Variants in SH2D2A observed in about 807,000 individuals in gnomAD.
SH2D2A encodes the protein SH2 domain-containing protein 2A.
SH2D2A carries 33 observed loss-of-function variants against 43.6 expected under a neutral mutation model. The observed-to-expected ratio is 0.76, with a 90% CI of 0.57 to 1.01. The LOEUF (loss-of-function observed/expected upper bound fraction) is 1.01. Ranked by LOEUF, SH2D2A falls within the 50% of genes least tolerant of loss-of-function variation. The pLI, the probability that SH2D2A is intolerant of heterozygous loss-of-function variation, is 0.00. For missense variants in SH2D2A, 491 were observed against 503.1 expected (o/e 0.98, Z 0.23); for synonymous variants, 212 against 206.1 (o/e 1.03, Z -0.25).
chr1:156,814,302 T>C lies in SH2D2A; in HGVS notation c.309-8A>G. 6.2e-7 allele frequency: 1 copy of C among 1,612,756 alleles called. No homozygotes were observed. Among genetic ancestry groups the C allele is most frequent in the Non-Finnish European group, 8.5e-7 (1 of 1,179,522 alleles). On this transcript the variant is annotated splice_polypyrimidine_tract_variant and splice_region_variant and intron_variant, in intron 3 of 8. Transcript: ENST00000368199. Reference sequence around the variant, plus strand: ...AGCAGCCTCTCTGCCTCCCTGTGGGTGACGGAGAGAGGGGGCCGAACCCTG... The same window carrying C: ...AGCAGCCTCTCTGCCTCCCTGTGGGCGACGGAGAGAGGGGGCCGAACCCTG...
Position 156,810,665 on chromosome 1 carries a change from C to T in SH2D2A, c.568-858G>A, listed in dbSNP as rs572923865. Among the ~76,000 whole-genome samples, 69 of 152,198 alleles carry T rather than the reference C, an allele frequency of 4.5e-4. No individual in the cohort carries two copies. In the South Asian group the frequency reaches 0.011, roughly 23 times the overall value. On this transcript the variant is annotated intron_variant, in intron 5 of 8. Coordinates refer to ENST00000368199, the MANE Select transcript of SH2D2A (RefSeq NM_003975.4). ...CCTCCCAAGTAGCTAAGATTACAGG[C>T]GCCCACCACCACACCCAGCTAATGT...
chr1:156,816,812 G>T lies in SH2D2A; in HGVS notation c.-104C>A. 1 of 1,143,574 alleles carries T rather than the reference G, an allele frequency of 8.7e-7. No homozygotes were observed. The highest frequency in any genetic ancestry group is 1.9e-5 in the South Asian group (1 of 53,206). 70.8% of individuals were successfully genotyped at this position (1,143,574 alleles called of 1,614,324 possible). On this transcript the variant is annotated 5_prime_UTR_variant, in exon 1 of 9. Transcript: ENST00000368199. Reference sequence around the variant, plus strand: ...ATCTCTCCTCTCACCCTGGCCCCGGGGGCAGGAAATGTCGCCTTACCCACA... The same window carrying T: ...ATCTCTCCTCTCACCCTGGCCCCGGTGGCAGGAAATGTCGCCTTACCCACA...
chr1:156,807,351 G>A lies in SH2D2A; in HGVS notation c.1003-6C>T. 1 of 1,532,450 alleles carries A rather than the reference G, an allele frequency of 6.5e-7. No individual in the cohort carries two copies. Among genetic ancestry groups the A allele is most frequent in the Non-Finnish European group, 8.7e-7 (1 of 1,145,706 alleles). The allele number at this position is 1,532,450 out of a possible 1,614,324, so 94.9% of individuals were successfully genotyped here. A position where few individuals can be genotyped will look rare whatever the true frequency, so the allele number is the denominator to read the frequency against. The stretch of plus-strand genomic sequence containing the variant: ...AGCTGGGAGCCACCTGTATTCTGCA[G>A]AGAGAAGGACAGTTCTAGGTCACAC... On this transcript the variant is annotated splice_region_variant and splice_polypyrimidine_tract_variant and intron_variant, in intron 7 of 8. Coordinates refer to ENST00000368199, the MANE Select transcript of SH2D2A (RefSeq NM_003975.4). This position sits in a 1 kb window ranked among gnomAD's most constrained non-coding sequence, Gnocchi z 5.1.
intron 1 of SH2D2A, among the ~76,000 whole-genome samples, 186 bp downstream of exon 1, chr1:156,816,489 T>C (rs2102825051): frequency 6.6e-6 from 1 of 152,336 alleles, no homozygotes. Context: ...GTCACCTTTA[T>C]CCTCAGGGAT....
Position 156,816,104 on chromosome 1 carries a change from CAA to C in SH2D2A, c.35-12_35-11del. On this transcript the variant is annotated splice_polypyrimidine_tract_variant and intron_variant, in intron 1 of 8. Transcript: ENST00000368199. ...GGGGCTTCGTGACTCCCTGTGAGCA[CAA>C]AGAGGGCTGCCGGGGTTTCTCAGAG... is the stretch of plus-strand genomic sequence containing the variant. 2 of 1,609,730 alleles carry C rather than the reference CAA, an allele frequency of 1.2e-6. No individual in the cohort carries two copies. Among genetic ancestry groups the C allele is most frequent in the Non-Finnish European group, 1.7e-6 (2 of 1,177,978 alleles).
intron 8 of SH2D2A, among the ~76,000 whole-genome samples, chr1:156,806,820 C>T (rs111238870): frequency 0.024 from 3,690 of 152,272 alleles, 150 homozygotes; most frequent in African/African-American, 0.084. Flanking sequence ...TTTTCTTCTC[C>T]GCATAGTGAG....
rs201551915 is a variant in SH2D2A at position 156,809,191 on chromosome 1, A to G, written c.1002+12T>C. 6.3e-7 allele frequency: 1 copy of G among 1,596,414 alleles called. No homozygotes were observed. The highest frequency in any genetic ancestry group is 2.2e-5 in the East Asian group (1 of 44,664). On this transcript the variant is annotated intron_variant, in intron 7 of 8. Coordinates refer to ENST00000368199, the MANE Select transcript of SH2D2A (RefSeq NM_003975.4). The surrounding 1 kb of genome is among the most constrained non-coding windows in gnomAD (Gnocchi z 4.8). ...CCTTCTTGCACCTACCTTTCCCTGC[A>G]TACCCATTTACCTGGCCTCCTGGGA... is the stretch of plus-strand genomic sequence containing the variant.
chr1:156,815,659 G>A (rs1267901864), intron 2 of SH2D2A: 1 of 772,964 alleles, frequency 1.3e-6, no homozygotes, highest in Non-Finnish European at 2.3e-6. Flanking sequence ...GACTGGGCAG[G>A]AGAGAAGGAC....
chr1:156,816,541 C>T, intron 1 of SH2D2A, 134 bp downstream of exon 1: 2 of 748,588 alleles, frequency 2.7e-6, no homozygotes, highest in Non-Finnish European at 4.3e-6. Flanking sequence ...GTCACCCTGC[C>T]AATCAGCTTT....
In SH2D2A at chr1:156,807,265, G is replaced by C. The variant is rs1206092843; in HGVS notation, c.1083C>G (p.Ala361=). 4 of 1,600,276 alleles carry C rather than the reference G, an allele frequency of 2.5e-6. No homozygotes were observed. The highest frequency in any genetic ancestry group is 3.4e-6 in the Non-Finnish European group (4 of 1,177,348). ...GATTGTGGGGGAGGGTGTGTCTCCA[G>C]GCGGGTGGGGGCTGGTGGGGCAGGG... ...GPPLPHQPPP[A]WRHTLPHNLS... The change falls in exon 8 of 9, where the codon GCC becomes GCG. Residue 361 remains alanine, a synonymous_variant. Transcript: ENST00000368199. The surrounding 1 kb of genome is among the most constrained non-coding windows in gnomAD (Gnocchi z 5.1).
chr1:156,813,500 C>T (rs2182761), intron 5 of SH2D2A, among the ~76,000 whole-genome samples: 80,802 of 151,976 alleles, frequency 0.53, 24,282 homozygotes, highest in East Asian at 0.81. Flanking sequence ...GAGAGAAGAT[C>T]GCGCCACTGC....
chr1:156,809,887 G>A lies in SH2D2A; in HGVS notation c.568-80C>T. The A allele has an allele frequency of 6.6e-7, 1 of 1,517,560 alleles. No homozygotes were observed. The allele number at this position is 1,517,560 out of a possible 1,614,324, so 94.0% of individuals were successfully genotyped here. Reference sequence around the variant, plus strand: ...GTGATCAGGAGGACAAAATAATCCAGTCTAAGTGGAGGATGGGGGAAGGGG... The same window carrying A: ...GTGATCAGGAGGACAAAATAATCCAATCTAAGTGGAGGATGGGGGAAGGGG... On this transcript the variant is annotated intron_variant, in intron 5 of 8. Transcript: ENST00000368199. The surrounding 1 kb of genome is among the most constrained non-coding windows in gnomAD (Gnocchi z 4.8).
At position 156,815,891 on chromosome 1, in the gene SH2D2A, G is replaced by A. The variant is rs564227571; in HGVS notation, c.123+115C>T. Reference sequence around the variant, plus strand: ...TGTGCCCCAGCCCGTTGGCAGACCCGGATCATTCCTGCCTTCTCTTGGAGT... The same window carrying A: ...TGTGCCCCAGCCCGTTGGCAGACCCAGATCATTCCTGCCTTCTCTTGGAGT... On this transcript the variant is annotated intron_variant, in intron 2 of 8. Coordinates refer to ENST00000368199, the MANE Select transcript of SH2D2A (RefSeq NM_003975.4). The A allele has an allele frequency of 2.8e-5, 45 of 1,613,476 alleles. No individual in the cohort carries two copies. In the African/African-American group the frequency reaches 4.8e-4, roughly 17 times the overall value.
chr1:156,815,578 C>A (rs576947067), intron 2 of SH2D2A: 1 of 626,258 alleles, frequency 1.6e-6, no homozygotes, highest in Non-Finnish European at 2.9e-6. Context: ...GGAAGTCACC[C>A]TAGAGGCCAG....
At position 156,813,914 on chromosome 1, in the gene SH2D2A, C is replaced by T. The variant is rs1198846892; in HGVS notation, c.501G>A (p.Leu167=). Residue 167 remains leucine (L), a synonymous_variant, in exon 5 of 9, where the codon CTG becomes CTA. Transcript: ENST00000368199. ...TGAGCGGGTGCGCGGTGTAGTGCAG[C>T]AGCAGGTCCTGCAGCCGCGCGTGGG... is the stretch of plus-strand genomic sequence containing the variant. ...DSAHARLQDL[L]LHYTAHPLSP... 9 of 1,545,418 alleles carry T rather than the reference C, an allele frequency of 5.8e-6. No homozygotes were observed. In the Admixed American group the frequency reaches 1.2e-4, roughly 20 times the overall value.
Position 156,807,440 on chromosome 1 carries a change from G to T in SH2D2A, c.1003-95C>A. ...AGACATCTGATCTGAACAGACTTTG[G>T]CTTCCAGAGAGGGTATCTAAACTCC... On this transcript the variant is annotated intron_variant, in intron 7 of 8. Coordinates refer to ENST00000368199, the MANE Select transcript of SH2D2A (RefSeq NM_003975.4). This position sits in a 1 kb window ranked among gnomAD's most constrained non-coding sequence, Gnocchi z 5.1. The T allele has an allele frequency of 8.9e-7, 1 of 1,120,590 alleles. No individual in the cohort carries two copies. The highest frequency in any genetic ancestry group is 1.2e-6 in the Non-Finnish European group (1 of 815,606). The allele number at this position is 1,120,590 out of a possible 1,614,324, so 69.4% of individuals were successfully genotyped here.
Position 156,813,880 on chromosome 1 carries a change from C to G in SH2D2A, c.535G>C (p.Gly179Arg), listed in dbSNP as rs758564405. Residue 179 changes from glycine (G) to arginine (R), a missense_variant, in exon 5 of 9, where the codon GGG (glycine) becomes CGG (arginine). Coordinates refer to ENST00000368199, the MANE Select transcript of SH2D2A (RefSeq NM_003975.4). Reference sequence around the variant, plus strand: ...GCGAGGGGCTCGGTGAGCGTCTCCCCGTAGGGGCTGAGCGGGTGCGCGGTG... The same window carrying G: ...GCGAGGGGCTCGGTGAGCGTCTCCCGGTAGGGGCTGAGCGGGTGCGCGGTG... ...HYTAHPLSPY[G>R]ETLTEPLARQ... 7.8e-6 allele frequency: 12 copies of G among 1,532,370 alleles called. No individual in the cohort carries two copies. The South Asian group carries it at 1.3e-4, about 17-fold the overall frequency. 94.9% of individuals were successfully genotyped at this position (1,532,370 alleles called of 1,614,324 possible). A position where few individuals can be genotyped will look rare whatever the true frequency, so the allele number is the denominator to read the frequency against.
chr1:156,815,804 A>G, intron 2 of SH2D2A: 1 of 1,614,058 alleles, frequency 6.2e-7, no homozygotes, highest in South Asian at 1.1e-5. Context: ...TAGGAGCAGT[A>G]AGGGAGTGAG....
intron 1 of SH2D2A, 140 bp from the exon 2 acceptor site, chr1:156,816,234 G>A: frequency 2.2e-6 from 3 of 1,394,060 alleles, no homozygotes; most frequent in Non-Finnish European, 2.9e-6. Context: ...AGGGCAGCAG[G>A]GGAGTTTCTC....
Sources: allele counts gnomAD v4.1 joint callset (sites outside exome capture counted in the v4.1 genomes callset), GRCh38; gene constraint gnomAD v4.1.1; non-coding constraint Gnocchi (gnomAD v3.1); transcripts MANE v1.5; gene names NCBI Gene and HGNC (gene_info 2026-07-23, HGNC 2026-07-21).